The following ARHGAP12 variants were observed in gnomAD, a reference collection of about 807,000 sequenced individuals.
ARHGAP12 encodes the protein Rho GTPase activating protein 12.
A neutral mutation model predicts 108.6 loss-of-function variants in ARHGAP12; 64 were observed. The observed-to-expected ratio is 0.59, with a 90% CI of 0.48 to 0.73. The LOEUF is 0.73. Ranked by LOEUF, ARHGAP12 falls within the 30% of genes least tolerant of loss-of-function variation. The probability of loss-of-function intolerance (pLI) is 0.00; values close to 1 mark genes in which losing one functional copy is unlikely to be tolerated. For synonymous variants in ARHGAP12, 312 were observed against 337.2 expected (o/e 0.93, Z 0.82); for missense variants, 940 against 1,005.9 (o/e 0.93, Z 0.89).
At chr10:31,881,391 T>C (rs913711373) in intron 3 of ARHGAP12, among the ~76,000 whole-genome samples, 8 of 152,062 alleles carry the variant, frequency 5.3e-5, no homozygotes, top group African/African-American at 1.9e-4. Flanking sequence ...AAACATAAAA[T>C]ATCAATTCTA....
At chr10:31,816,168 CGTGTGT>C (rs201754040) in intron 13 of ARHGAP12, among the ~76,000 whole-genome samples, 4,454 of 136,386 alleles carry the variant, frequency 0.033, 79 homozygotes, top group Non-Finnish European at 0.048. Flanking sequence ...AAGAAAGAAA[CGTGTGT>C]GTGTGTGTGT....
At chr10:31,897,173 G>C (rs1220431922) in intron 3 of ARHGAP12, among the ~76,000 whole-genome samples, 1 of 152,102 alleles carries the variant, frequency 6.6e-6, no homozygotes, top group East Asian at 1.9e-4. Flanking sequence ...AAAATAACTA[G>C]TATGAAATAA....
At position 31,807,621 on chromosome 10, in the gene ARHGAP12, A is replaced by C. The variant is rs754356352; in HGVS notation, c.*37T>G. The C allele has an allele frequency of 7.7e-6, 12 of 1,558,870 alleles. No individual in the cohort carries two copies. In the East Asian group the frequency reaches 2.8e-4, roughly 36 times the overall value. On this transcript the variant is annotated 3_prime_UTR_variant, in exon 20 of 20. Coordinates refer to ENST00000344936, the MANE Select transcript of ARHGAP12 (RefSeq NM_018287.7). ...GTATAAACATTTGAAATCTGATGGA[A>C]TCCAGCTTCTATTCCACAGGTTGTC... is the stretch of plus-strand genomic sequence containing the variant.
At chr10:31,812,512 C>G (rs1317502234) in intron 15 of ARHGAP12, 195 bp downstream of exon 15, 3 of 371,382 alleles carry the variant, frequency 8.1e-6, no homozygotes. Flanking sequence ...TTATTTATGT[C>G]TGTCCACTAC....
Position 31,876,149 on chromosome 10 carries a change from G to A in ARHGAP12, c.685-14491C>T, listed in dbSNP as rs540809039. On this transcript the variant is annotated intron_variant, in intron 3 of 19. Transcript: ENST00000344936. The stretch of plus-strand genomic sequence containing the variant: ...AATCCCTGGCTTACAGTTCTTTGGG[G>A]TAGGTACCCAGAGCCCTTCTCTTTT... 2.0e-5 allele frequency among the ~76,000 whole-genome samples: 3 copies of A among 152,246 alleles called. No homozygotes were observed. In the East Asian group the frequency reaches 5.8e-4, roughly 29 times the overall value.
intron 1 of ARHGAP12, among the ~76,000 whole-genome samples, chr10:31,920,829 A>ACAAG (rs1364725070): frequency 6.6e-6 from 1 of 152,196 alleles, no homozygotes; most frequent in East Asian, 1.9e-4. Context: ...CGGCCATGGA[A>ACAAG]CAAGCCTCAA....
chr10:31,877,377 T>A (rs983717942), intron 3 of ARHGAP12, among the ~76,000 whole-genome samples: 1 of 152,214 alleles, frequency 6.6e-6, no homozygotes, highest in African/African-American at 2.4e-5. Context: ...AAAGTATCCA[T>A]AACATTTTTC....
At chr10:31,839,584 AATTG>A (rs1836171067) in intron 8 of ARHGAP12, 49 bp downstream of exon 8, 6 of 1,469,400 alleles carry the variant, frequency 4.1e-6, no homozygotes, top group South Asian at 3.9e-5. Context: ...AACTTGCTAA[AATTG>A]ATTGAAATAA....
chr10:31,906,143 G>A (rs562795715), intron 3 of ARHGAP12, among the ~76,000 whole-genome samples: 2 of 152,202 alleles, frequency 1.3e-5, no homozygotes, highest in Admixed American at 1.3e-4. Context: ...CTAGCCCCAC[G>A]TGAGTGAACC....
chr10:31,812,041 A>G (rs865867995), intron 15 of ARHGAP12, among the ~76,000 whole-genome samples: 144 of 152,332 alleles, frequency 9.5e-4, no homozygotes, highest in African/African-American at 3.0e-3. Flanking sequence ...TTTCATAATA[A>G]TCAGAGACAG....
At chr10:31,816,171 G>GTGTGTA (rs1302996701) in intron 13 of ARHGAP12, among the ~76,000 whole-genome samples, 1 of 103,382 alleles carries the variant, frequency 9.7e-6, no homozygotes, top group East Asian at 2.1e-4. Flanking sequence ...AAAGAAACGT[G>GTGTGTA]TGTGTGTGTG....
At chr10:31,900,762 T>C (rs750764021) in intron 3 of ARHGAP12, among the ~76,000 whole-genome samples, 1 of 152,204 alleles carries the variant, frequency 6.6e-6, no homozygotes, top group Non-Finnish European at 1.5e-5. Flanking sequence ...TAATTGTGGA[T>C]ACCCAATATT....
intron 11 of ARHGAP12, 115 bp from the exon 12 acceptor site, chr10:31,820,603 C>A: frequency 1.8e-6 from 1 of 545,654 alleles, no homozygotes; most frequent in Non-Finnish European, 2.9e-6. Flanking sequence ...TTCTCAAATT[C>A]TTCTTTTTCT....
At chr10:31,852,947 C>G (rs139499819) in intron 5 of ARHGAP12, among the ~76,000 whole-genome samples, 1 of 151,880 alleles carries the variant, frequency 6.6e-6, no homozygotes, top group African/African-American at 2.4e-5. Context: ...AGGCTGGTAT[C>G]GAAATCCTGA....
rs539016502 is a variant in ARHGAP12 at position 31,833,168 on chromosome 10, C to A, written c.1387-1368G>T. On this transcript the variant is annotated intron_variant, in intron 9 of 19. Transcript: ENST00000344936. The stretch of plus-strand genomic sequence containing the variant: ...AACATTTTTAATTTGCCGCCTGCAC[C>A]CCTCAAAAGCAGGGAGAAAACAATC... 5.3e-5 allele frequency among the ~76,000 whole-genome samples: 8 copies of A among 151,896 alleles called. No individual in the cohort carries two copies. In the East Asian group the frequency reaches 1.5e-3, roughly 29 times the overall value.
intron 7 of ARHGAP12, among the ~76,000 whole-genome samples, chr10:31,841,556 C>T (rs1836267973): frequency 6.6e-6 from 1 of 152,166 alleles, no homozygotes; most frequent in Admixed American, 6.5e-5. Context: ...AAACAGATTA[C>T]AACGGTAAAT....
rs538234849 is a variant in ARHGAP12 at position 31,866,684 on chromosome 10, C to T, written c.685-5026G>A. The stretch of plus-strand genomic sequence containing the variant: ...AGGCTGGAGTGTAATGGCACAATCT[C>T]GGATCACCACAACCTCTGCCTCCCT... On this transcript the variant is annotated intron_variant, in intron 3 of 19. Coordinates refer to ENST00000344936, the MANE Select transcript of ARHGAP12 (RefSeq NM_018287.7). Among the ~76,000 whole-genome samples, 15 of 152,120 alleles carry T rather than the reference C, an allele frequency of 9.9e-5. No individual in the cohort carries two copies. The East Asian group carries it at 1.2e-3, about 12-fold the overall frequency.
chr10:31,863,946 C>T (rs1257346836), intron 3 of ARHGAP12, among the ~76,000 whole-genome samples: 1 of 151,828 alleles, frequency 6.6e-6, no homozygotes, highest in African/African-American at 2.4e-5. Context: ...CCATTAAAGT[C>T]AAGATTAAAA....
intron 6 of ARHGAP12, 57 bp from the exon 7 acceptor site, chr10:31,843,643 A>G (rs1429971914): frequency 4.0e-6 from 6 of 1,502,384 alleles, no homozygotes; most frequent in Non-Finnish European, 5.3e-6. Flanking sequence ...TAGAAATGAA[A>G]GTGGAATCTA....
Sources: gnomAD v4.1 joint callset for allele counts (sites outside exome capture counted in the v4.1 genomes callset) on GRCh38, gnomAD v4.1.1 for gene constraint, MANE v1.5 for transcripts, NCBI Gene and HGNC (gene_info 2026-07-23, HGNC 2026-07-21) for gene names.